VWF: variants seen among roughly 807,000 people sequenced by gnomAD.
VWF encodes the protein Factor VIII related antigen.
A neutral mutation model predicts 308.6 loss-of-function variants in VWF; 176 were observed. That is an observed-to-expected ratio of 0.57 (90% CI 0.50 to 0.65). The LOEUF (loss-of-function observed/expected upper bound fraction) is 0.65, where lower values mean the gene tolerates loss of function less well. VWF is among the 30% of genes least tolerant of loss of function. The pLI is 0.00. For missense variants in VWF, 3,146 were observed against 3,648.2 expected, an observed-to-expected ratio of 0.86 and a Z score of 3.55; for synonymous variants, 1,385 against 1,443.4, an observed-to-expected ratio of 0.96 and a Z score of 0.92.
At chr12:5,998,824 G>T (rs1179995129) in intron 34 of VWF, among the ~76,000 whole-genome samples, 1 of 152,080 alleles carries the variant, frequency 6.6e-6, no homozygotes, top group African/African-American at 2.4e-5. Flanking sequence ...GCCTCCCCGG[G>T]TTCAGGCGAT....
At chr12:6,115,046 T>C (rs1945348012) in intron 3 of VWF, among the ~76,000 whole-genome samples, 1 of 152,122 alleles carries the variant, frequency 6.6e-6, no homozygotes, top group Non-Finnish European at 1.5e-5. Context: ...TGGGGTTTTG[T>C]TTTCTTTTGT....
At position 6,025,501 on chromosome 12, in the gene VWF, T is replaced by C; in HGVS notation, c.3222+79A>G. The C allele has an allele frequency of 3.5e-6, 4 of 1,156,374 alleles. No homozygotes were observed. The East Asian group carries it at 9.6e-5, about 28-fold the overall frequency. The allele number at this position is 1,156,374 out of a possible 1,614,324, so 71.6% of individuals were successfully genotyped here. On this transcript the variant is annotated intron_variant, in intron 24 of 51. Coordinates refer to ENST00000261405, the MANE Select transcript of VWF (RefSeq NM_000552.5). The stretch of plus-strand genomic sequence containing the variant: ...CAAGACACGAGGGTAGTGTCCACGT[T>C]AGAAGGTCACACTCTGTGTCCATAC...
chr12:5,952,283 G>A (rs1943200327), intron 49 of VWF, 108 bp downstream of exon 49: 7 of 1,461,016 alleles, frequency 4.8e-6, no homozygotes, highest in Non-Finnish European at 5.7e-6. Flanking sequence ...GGCCAGAGAT[G>A]TGCCTCAGAC....
chr12:6,035,575 G>A (rs1343256244), intron 19 of VWF, among the ~76,000 whole-genome samples: 2 of 152,142 alleles, frequency 1.3e-5, no homozygotes, highest in South Asian at 2.1e-4. Context: ...GAGGGGTTAC[G>A]TGCAGGATGG....
In VWF at chr12:5,993,828, CT is replaced by C. The variant is rs747760158; in HGVS notation, c.6598+33del. On this transcript the variant is annotated intron_variant, in intron 37 of 51. Coordinates refer to ENST00000261405, the MANE Select transcript of VWF (RefSeq NM_000552.5). ...GGCTGAGCAAGCCCAGTTAGCTGGT[CT>C]CCAGGATTTTCAGAGGTAACTTGGA... 2.5e-6 allele frequency: 4 copies of C among 1,604,484 alleles called. No homozygotes were observed. The Admixed American group carries it at 6.7e-5, about 27-fold the overall frequency.
chr12:5,987,738 C>T (rs952007514), intron 38 of VWF, among the ~76,000 whole-genome samples: 8 of 152,188 alleles, frequency 5.3e-5, no homozygotes, highest in African/African-American at 1.9e-4. Context: ...GGAAGCCAGG[C>T]AGAAAAGAAG....
At position 6,111,078 on chromosome 12, in the gene VWF, A is replaced by G. The variant is rs570031539; in HGVS notation, c.221-110T>C. The G allele has an allele frequency of 1.8e-5, 18 of 1,015,786 alleles. No homozygotes were observed. In the East Asian group the frequency reaches 4.1e-4, roughly 23 times the overall value. The allele number at this position is 1,015,786 out of a possible 1,614,324, so 62.9% of individuals were successfully genotyped here. On this transcript the variant is annotated intron_variant, in intron 3 of 51. Transcript: ENST00000261405. ...CTTTTCTCAGCAGAAAACGCCCCAA[A>G]AAGTCTTTACAAGCGAGCAACAAAA... is the stretch of plus-strand genomic sequence containing the variant.
At chr12:5,980,756 A>G (rs775424503) in intron 42 of VWF, among the ~76,000 whole-genome samples, 1 of 151,026 alleles carries the variant, frequency 6.6e-6, no homozygotes, top group Non-Finnish European at 1.5e-5. Context: ...AGACAAATAA[A>G]GATCTGTTCC....
In VWF at chr12:5,983,170, C is replaced by G. The variant is rs1431522746; in HGVS notation, c.7061G>C (p.Cys2354Ser). 6.2e-7 allele frequency: 1 copy of G among 1,613,964 alleles called. No individual in the cohort carries two copies. The highest frequency in any genetic ancestry group is 8.5e-7 in the Non-Finnish European group (1 of 1,179,940). ...LQPTLTNPGE[C>S]RPNFTCACRK... is the part of the protein sequence containing the mutation. The stretch of plus-strand genomic sequence containing the variant: ...CTTACCGCAGGTGAAGTTGGGTCTG[C>G]ACTCGCCAGGGTTGGTCAGTGTGGG... The change falls in exon 41 of 52, where the codon TGC becomes TCC. Residue 2354 changes from cysteine (C) to serine (S), a missense_variant. By Grantham distance (112) the Cys-to-Ser change is moderately radical. Transcript: ENST00000261405.
intron 44 of VWF, among the ~76,000 whole-genome samples, 179 bp downstream of exon 44, chr12:5,971,420 G>T (rs74476716): frequency 2.1e-3 from 317 of 152,330 alleles, no homozygotes; most frequent in African/African-American, 7.0e-3. Context: ...GGCTGAGGCC[G>T]TCTTAACTGG....
intron 42 of VWF, among the ~76,000 whole-genome samples, chr12:5,979,566 A>G (rs1943570960): frequency 6.6e-6 from 1 of 151,684 alleles, no homozygotes; most frequent in Non-Finnish European, 1.5e-5. Flanking sequence ...CCTGGCCAAC[A>G]TGGTGAAATC....
At chr12:5,980,208 T>TAGGGAGGG (rs1161891920) in intron 42 of VWF, among the ~76,000 whole-genome samples, 7 of 20,796 alleles carry the variant, frequency 3.4e-4, no homozygotes, top group African/African-American at 1.4e-3. Flanking sequence ...GTGACGTAGG[T>TAGGGAGGG]AGGTAGGGAG....
At chr12:6,050,658 C>T (rs1212455436) in intron 16 of VWF, among the ~76,000 whole-genome samples, 1 of 152,186 alleles carries the variant, frequency 6.6e-6, no homozygotes, top group Non-Finnish European at 1.5e-5. Flanking sequence ...ACTTCTGCTC[C>T]ACCTCAAAAC....
chr12:6,022,495 G>A (rs1362748083), intron 26 of VWF, among the ~76,000 whole-genome samples: 2 of 150,560 alleles, frequency 1.3e-5, no homozygotes, highest in South Asian at 2.1e-4. Context: ...AAGTTCTATC[G>A]GCAGGGGCTG....
chr12:5,981,585 A>G (rs569426710), intron 42 of VWF, among the ~76,000 whole-genome samples: 10 of 152,060 alleles, frequency 6.6e-5, no homozygotes, highest in Non-Finnish European at 5.9e-5. Context: ...CTGCCCCCCA[A>G]CCAAGCCTTG....
Position 5,954,868 on chromosome 12 carries a change from A to G in VWF, c.7888-1274T>C, listed in dbSNP as rs147429905. On this transcript the variant is annotated intron_variant, in intron 47 of 51. Transcript: ENST00000261405. The stretch of plus-strand genomic sequence containing the variant: ...ACACCTGGGTTTCTACTGGAACTTC[A>G]TAAGGGACAAGCCTTCACAGTAAAC... 3.7e-3 allele frequency among the ~76,000 whole-genome samples: 559 copies of G among 152,320 alleles called. 6 individuals are homozygous for G. Among genetic ancestry groups the G allele is most frequent in the African/African-American group, 0.013 (531 of 41,570 alleles).
intron 22 of VWF, among the ~76,000 whole-genome samples, chr12:6,028,123 T>A (rs1384691191): frequency 6.6e-6 from 1 of 152,152 alleles, no homozygotes; most frequent in Non-Finnish European, 1.5e-5. Context: ...ACTAAACCAG[T>A]GGCTAGAGTA....
At chr12:5,964,961 C>T (rs1943383531) in intron 47 of VWF, among the ~76,000 whole-genome samples, 1 of 152,170 alleles carries the variant, frequency 6.6e-6, no homozygotes, top group Non-Finnish European at 1.5e-5. Context: ...ATGGAGGGAA[C>T]AGCCTGCTCT....
chr12:6,001,407 A>G (rs1487121624), intron 34 of VWF, among the ~76,000 whole-genome samples: 3 of 152,214 alleles, frequency 2.0e-5, no homozygotes, highest in Non-Finnish European at 4.4e-5. Context: ...CAGAAAGGCT[A>G]AAGTAAAGGG....
Sources: allele counts gnomAD v4.1 joint callset (sites outside exome capture counted in the v4.1 genomes callset), GRCh38; gene constraint gnomAD v4.1.1; transcripts MANE v1.5; gene names NCBI Gene and HGNC (gene_info 2026-07-23, HGNC 2026-07-21).